The following PRPS2 variants were observed in gnomAD, a reference collection of about 807,000 sequenced individuals.
PRPS2 encodes the protein ribose-phosphate pyrophosphokinase 2.
For synonymous variants in PRPS2, 111 were observed against 115.3 expected (o/e 0.96, Z 0.24); for missense variants, 104 against 271.5 (o/e 0.38, Z 4.34).
intron 3 of PRPS2, among the ~76,000 whole-genome samples, chrX:12,809,646 C>G (rs757464551): frequency 1.2e-4 from 13 of 111,623 alleles, no homozygotes; most frequent in Non-Finnish European, 2.3e-4. Flanking sequence ...TTCTTTGTCT[C>G]TAAAACAGGC....
At chrX:12,793,978 T>C (rs2042531698) in intron 1 of PRPS2, among the ~76,000 whole-genome samples, 1 of 112,669 alleles carries the variant, frequency 8.9e-6, no homozygotes, top group Non-Finnish European at 1.9e-5. Flanking sequence ...GTCTCTGTTG[T>C]AACATTTTAC....
chrX:12,822,355 T>C (rs780696081), intron 6 of PRPS2, among the ~76,000 whole-genome samples: 116 of 112,242 alleles, frequency 1.0e-3, no homozygotes, highest in African/African-American at 3.7e-3. Context: ...AGTCACCGCC[T>C]TTTCAGAAAC....
chrX:12,805,847 C>T (rs972766879), intron 2 of PRPS2, among the ~76,000 whole-genome samples: 2 of 111,725 alleles, frequency 1.8e-5, no homozygotes, highest in African/African-American at 3.3e-5. Context: ...CCAAGGCGGG[C>T]GGATCACCTG....
chrX:12,798,537 T>C (rs776083658), intron 1 of PRPS2, among the ~76,000 whole-genome samples: 2 of 112,581 alleles, frequency 1.8e-5, no homozygotes, highest in South Asian at 7.3e-4. Flanking sequence ...CTGGGCACTT[T>C]CTCTGTTATA....
At chrX:12,818,141 G>C (rs2042657640) in intron 4 of PRPS2, among the ~76,000 whole-genome samples, 1 of 110,518 alleles carries the variant, frequency 9.0e-6, no homozygotes, top group African/African-American at 3.3e-5. Flanking sequence ...AGCTGAGGTG[G>C]GCGGATCACC....
intron 2 of PRPS2, among the ~76,000 whole-genome samples, chrX:12,801,252 G>GTGTGTA (rs2042568913): frequency 9.7e-6 from 1 of 102,627 alleles, no homozygotes; most frequent in Non-Finnish European, 2.0e-5. Context: ...GTGTGTGTGT[G>GTGTGTA]TATGTGTGTG....
intron 3 of PRPS2, 83 bp downstream of exon 3, chrX:12,809,415 TTATA>T: frequency 1.1e-6 from 1 of 945,323 alleles, no homozygotes; most frequent in African/African-American, 1.9e-5. Context: ...GTGTTTGAGT[TTATA>T]TATGGCTACT....
intron 1 of PRPS2, among the ~76,000 whole-genome samples, chrX:12,794,268 G>A: frequency 1.8e-5 from 2 of 111,699 alleles, no homozygotes; most frequent in Non-Finnish European, 3.8e-5. Flanking sequence ...GTTGTTACTA[G>A]CTTTTGCCTG....
chrX:12,806,827 G>A (rs1481401235), intron 2 of PRPS2, among the ~76,000 whole-genome samples: 2 of 112,134 alleles, frequency 1.8e-5, no homozygotes, highest in African/African-American at 6.5e-5. Flanking sequence ...GGTGGCTCAC[G>A]CCTGTAATTC....
chrX:12,804,357 G>C (rs1183899658), intron 2 of PRPS2, among the ~76,000 whole-genome samples: 1 of 110,450 alleles, frequency 9.1e-6, no homozygotes, highest in African/African-American at 3.3e-5. Flanking sequence ...GGCCAGGCTG[G>C]TCTCGAACTC....
At chrX:12,811,039 C>T (rs747012498) in intron 4 of PRPS2, among the ~76,000 whole-genome samples, 1 of 111,677 alleles carries the variant, frequency 9.0e-6, no homozygotes, top group Admixed American at 9.4e-5. Flanking sequence ...CGAAAATGTG[C>T]TCCAGGCTGC....
At position 12,819,609 on chromosome X, in the gene PRPS2, G is replaced by A; in HGVS notation, c.633G>A (p.Val211=). The A allele has an allele frequency of 8.3e-7, 1 of 1,211,967 alleles. No homozygotes were observed. The highest frequency in any genetic ancestry group is 1.1e-6 in the Non-Finnish European group (1 of 895,531). ...ACCGGATGGTCCTGGTGGGCGACGT[G>A]AAGGACCGTGTGGCCATCCTCGTGG... ...EVDRMVLVGD[V]KDRVAILVDD... The change falls in exon 5 of 7, where the codon GTG becomes GTA. Residue 211 remains valine (V), a synonymous_variant. Coordinates refer to ENST00000380668, the MANE Select transcript of PRPS2 (RefSeq NM_002765.5).
At chrX:12,801,248 G>GTGTGTGTGTGTGTGTGTA (rs2042568724) in intron 2 of PRPS2, among the ~76,000 whole-genome samples, 1 of 107,390 alleles carries the variant, frequency 9.3e-6, no homozygotes. Flanking sequence ...GTGTGTGTGT[G>GTGTGTGTGTGTGTGTGTA]TGTGTATGTG....
intron 1 of PRPS2, among the ~76,000 whole-genome samples, chrX:12,794,408 TC>T (rs2042533945): frequency 3.0e-4 from 33 of 111,858 alleles, no homozygotes; most frequent in Admixed American, 2.9e-3. Context: ...AAGCCACCAG[TC>T]CATTAAGGAC....
At chrX:12,803,547 T>G (rs2042579925) in intron 2 of PRPS2, among the ~76,000 whole-genome samples, 1 of 112,765 alleles carries the variant, frequency 8.9e-6, no homozygotes, top group African/African-American at 3.2e-5. Flanking sequence ...TCCTCCTGCC[T>G]TGGCCTTCCA....
rs770237481 is a variant in PRPS2, at chrX:12,810,116, T to C, written c.500T>C (p.Ile167Thr). The C allele has an allele frequency of 8.2e-7, 1 of 1,212,168 alleles. No homozygotes were observed. Among genetic ancestry groups the C allele is most frequent in the Non-Finnish European group, 1.1e-6 (1 of 895,581 alleles). Reference sequence around the variant, plus strand: ...ATTGCCGAGTGGAAGAACTGTATCATTGTTTCACCTGACGCAGGGGGAGCC... The same window carrying C: ...ATTGCCGAGTGGAAGAACTGTATCACTGTTTCACCTGACGCAGGGGGAGCC... Reference protein sequence around the residue: ...ENIAEWKNCIIVSPDAGGAKR... With the variant: ...ENIAEWKNCITVSPDAGGAKR... The change falls in exon 4 of 7, where the codon ATT (isoleucine) becomes ACT (threonine). Residue 167 changes from isoleucine (I) to threonine (T), a missense_variant. Coordinates refer to ENST00000380668, the MANE Select transcript of PRPS2 (RefSeq NM_002765.5).
intron 4 of PRPS2, among the ~76,000 whole-genome samples, chrX:12,816,228 G>A (rs1481489373): frequency 2.7e-5 from 3 of 111,612 alleles, no homozygotes; most frequent in Admixed American, 1.9e-4. Flanking sequence ...CAGTCTCTGT[G>A]TTTAACTGGA....
At chrX:12,804,297 A>C (rs1002242735) in intron 2 of PRPS2, among the ~76,000 whole-genome samples, 1 of 109,034 alleles carries the variant, frequency 9.2e-6, no homozygotes, top group Admixed American at 1.0e-4. Context: ...TTGCGCCACC[A>C]CACCTGGCTA....
chrX:12,794,948 A>T lies in PRPS2; in HGVS notation c.122+3329A>T, dbSNP rs151032898. On this transcript the variant is annotated intron_variant, in intron 1 of 6. Coordinates refer to ENST00000380668, the MANE Select transcript of PRPS2 (RefSeq NM_002765.5). ...GTAGTCTCTGTTGCTGCGGTATCTT[A>T]CAGTTCTGTAAGTTACGGTAATGTC... Among the ~76,000 whole-genome samples the T allele has an allele frequency of 3.9e-3, 438 of 112,192 alleles. 3 individuals carry two copies. Among genetic ancestry groups the T allele is most frequent in the African/African-American group, 0.013 (415 of 30,862 alleles).
Sources: allele counts gnomAD v4.1 joint callset (sites outside exome capture counted in the v4.1 genomes callset), GRCh38; gene constraint gnomAD v4.1.1; transcripts MANE v1.5; gene names NCBI Gene and HGNC (gene_info 2026-07-23, HGNC 2026-07-21).